The following TEAD1 variants were observed in gnomAD, a reference collection of about 807,000 sequenced individuals.
The protein encoded by TEAD1 is transcriptional enhancer factor TEF-1.
TEAD1 carries 9 observed loss-of-function variants against 54.9 expected under a neutral mutation model. The ratio of observed to expected loss-of-function variants is 0.16; its 90% CI spans 0.10 to 0.29. TEAD1 has a LOEUF of 0.29. Ranked by LOEUF, TEAD1 falls within the 10% of genes least tolerant of loss-of-function variation. The pLI, the probability that TEAD1 is intolerant of heterozygous loss-of-function variation, is 1.00. For synonymous variants in TEAD1, 200 were observed against 187.8 expected (o/e 1.07, Z -0.53); for missense variants, 387 against 535.9 (o/e 0.72, Z 2.74).
chr11:12,846,349 A>G (rs1296361522), intron 3 of TEAD1, among the ~76,000 whole-genome samples: 2 of 152,026 alleles, frequency 1.3e-5, no homozygotes, highest in East Asian at 3.9e-4. Context: ...GCATTTAAAT[A>G]GAGGGCATCT....
chr11:12,812,053 G>A (rs762033279), intron 3 of TEAD1, among the ~76,000 whole-genome samples: 17 of 152,096 alleles, frequency 1.1e-4, no homozygotes, highest in Non-Finnish European at 2.1e-4. Context: ...ACACACCTGC[G>A]ATTGGATGGA....
At chr11:12,794,190 G>A (rs1033223555) in intron 3 of TEAD1, among the ~76,000 whole-genome samples, 4 of 152,254 alleles carry the variant, frequency 2.6e-5, no homozygotes, top group South Asian at 2.1e-4. Context: ...ACTTATCTCC[G>A]TTTTCTAGAT....
chr11:12,689,417 A>G (rs1943404616), intron 2 of TEAD1, among the ~76,000 whole-genome samples: 4 of 152,236 alleles, frequency 2.6e-5, no homozygotes, highest in African/African-American at 9.6e-5. Context: ...GACCTTGGGC[A>G]ACCTCTTTAT....
intron 3 of TEAD1, among the ~76,000 whole-genome samples, chr11:12,792,287 A>G (rs557201168): frequency 6.6e-6 from 1 of 151,362 alleles, no homozygotes; most frequent in East Asian, 2.0e-4. Flanking sequence ...GACCTCTCAA[A>G]TGCTTGGGGG....
chr11:12,863,572 C>G (rs947605129), intron 4 of TEAD1, among the ~76,000 whole-genome samples: 3 of 152,084 alleles, frequency 2.0e-5, no homozygotes, highest in African/African-American at 7.2e-5. Context: ...ATTATAAATC[C>G]TGTTTTAGAG....
chr11:12,862,218 C>T (rs983670850), intron 3 of TEAD1, 32 bp from the exon 4 acceptor site: 9 of 1,592,120 alleles, frequency 5.7e-6, no homozygotes, highest in Non-Finnish European at 7.8e-6. Context: ...GTTTTGGTAA[C>T]CCACCTCATG....
Position 12,855,549 on chromosome 11 carries a change from A to G in TEAD1, c.203-6701A>G, listed in dbSNP as rs185307174. Among the ~76,000 whole-genome samples the G allele has an allele frequency of 3.8e-3, 579 of 151,920 alleles. 1 individual carries two copies. The highest frequency in any genetic ancestry group is 6.9e-3 in the Non-Finnish European group (467 of 67,924). The stretch of plus-strand genomic sequence containing the variant: ...GTGATCCACCTGCCTTGGCCTCCCA[A>G]AGTGCTGGGATTACAGGCATGAGCC... On this transcript the variant is annotated intron_variant, in intron 3 of 12. Coordinates refer to ENST00000527636, the MANE Select transcript of TEAD1 (RefSeq NM_021961.6).
intron 3 of TEAD1, among the ~76,000 whole-genome samples, chr11:12,784,851 A>C (rs1945644587): frequency 6.6e-6 from 1 of 152,094 alleles, no homozygotes; most frequent in South Asian, 2.1e-4. Context: ...TTGGAGTTTC[A>C]GTTGCAAGGC....
At chr11:12,775,202 C>T (rs1191418670) in intron 3 of TEAD1, among the ~76,000 whole-genome samples, 7 of 152,098 alleles carry the variant, frequency 4.6e-5, no homozygotes, top group Admixed American at 4.6e-4. Context: ...GCCCTCCTTT[C>T]TTAGGGTTTC....
intron 3 of TEAD1, among the ~76,000 whole-genome samples, chr11:12,805,102 A>G (rs1946141310): frequency 6.6e-6 from 1 of 152,230 alleles, no homozygotes; most frequent in Non-Finnish European, 1.5e-5. Context: ...AGCGAGAAGT[A>G]TTGAAGCAGG....
chr11:12,708,999 C>T (rs1007638774), intron 2 of TEAD1, among the ~76,000 whole-genome samples: 10 of 152,194 alleles, frequency 6.6e-5, no homozygotes, highest in African/African-American at 1.9e-4. Context: ...TCATTTTCTA[C>T]TTCCTACTTC....
Position 12,883,081 on chromosome 11 carries a change from G to T in TEAD1, c.655G>T (p.Val219Leu), listed in dbSNP as rs1264128758. 1 of 1,614,172 alleles carries T rather than the reference G, an allele frequency of 6.2e-7. No individual in the cohort carries two copies. The highest frequency in any genetic ancestry group is 1.7e-5 in the Admixed American group (1 of 60,018). ...CATTGGCACAACCAAGCTTCGCCTG[G>T]TGGAATTTTCAGCTTTTCTCGAGCA... The change falls in exon 9 of 13, where the codon GTG becomes TTG. Residue 219 changes from valine to leucine, a missense_variant. Around this residue, in one of 5 missense-constraint regions of TEAD1, gnomAD observed 180 missense variants for 180.6 expected, o/e 1.00. Transcript: ENST00000527636.
chr11:12,894,416 T>TGTC (rs1449304895), intron 9 of TEAD1, among the ~76,000 whole-genome samples: 2 of 152,134 alleles, frequency 1.3e-5, no homozygotes, highest in Non-Finnish European at 2.9e-5. Flanking sequence ...TAGAATGTAT[T>TGTC]GTCAGTCCTT....
rs1949152917 is a variant in TEAD1 at position 12,940,646 on chromosome 11, C to T, written c.*3424C>T. 6.6e-6 allele frequency: 1 copy of T among 152,198 alleles called. No individual in the cohort carries two copies. The highest frequency in any genetic ancestry group is 2.4e-5 in the African/African-American group (1 of 41,450). The allele number at this position is 152,198 out of a possible 1,614,324, so 9.4% of individuals were successfully genotyped here. ...GTTGGGAACAGCTGGTCACCATCAT[C>T]CCTTTAATCAACTCACACCTGTTTA... On this transcript the variant is annotated 3_prime_UTR_variant, in exon 13 of 13. Coordinates refer to ENST00000527636, the MANE Select transcript of TEAD1 (RefSeq NM_021961.6).
At chr11:12,824,632 A>T (rs1170757839) in intron 3 of TEAD1, among the ~76,000 whole-genome samples, 1 of 152,190 alleles carries the variant, frequency 6.6e-6, no homozygotes, top group Non-Finnish European at 1.5e-5. Flanking sequence ...CTCCCACTGG[A>T]GGCTCCTTGT....
At chr11:12,846,891 CTCTTT>C (rs1285012239) in intron 3 of TEAD1, among the ~76,000 whole-genome samples, 1 of 152,196 alleles carries the variant, frequency 6.6e-6, no homozygotes, top group African/African-American at 2.4e-5. Flanking sequence ...GCCACATGTC[CTCTTT>C]CATTGCCAGT....
In TEAD1 at chr11:12,756,155, T is replaced by C. The variant is rs146548839; in HGVS notation, c.-54-8024T>C. 5.0e-3 allele frequency among the ~76,000 whole-genome samples: 761 copies of C among 152,248 alleles called. 6 individuals carry two copies. The highest frequency in any genetic ancestry group is 0.018 in the African/African-American group (730 of 41,546). On this transcript the variant is annotated intron_variant, in intron 2 of 12. Transcript: ENST00000527636. ...AGCATTGGGGCTTGGTGAAGAGATA[T>C]TGGCTTGTTGATGGGATTCTGTTGA...
At chr11:12,801,258 T>TA (rs1946054364) in intron 3 of TEAD1, among the ~76,000 whole-genome samples, 1 of 152,204 alleles carries the variant, frequency 6.6e-6, no homozygotes, top group Non-Finnish European at 1.5e-5. Flanking sequence ...CTTCTCCAGT[T>TA]ATACATGGTG....
intron 5 of TEAD1, chr11:12,878,822 A>T: frequency 9.6e-7 from 1 of 1,046,298 alleles, no homozygotes. Flanking sequence ...TTTTTTTTTT[A>T]ACCAAAGAAG....
Sources: gnomAD v4.1 joint callset for allele counts (sites outside exome capture counted in the v4.1 genomes callset) on GRCh38, gnomAD v4.1.1 for gene constraint, gnomAD v4.1.1 regional missense constraint, MANE v1.5 for transcripts, NCBI Gene and HGNC (gene_info 2026-07-23, HGNC 2026-07-21) for gene names.